RIF1: variants seen among roughly 807,000 people sequenced by gnomAD.
RIF1 encodes the protein replication timing regulatory factor 1.
RIF1 carries 45 observed loss-of-function variants against 247.1 expected under a neutral mutation model. That is an observed-to-expected ratio of 0.18 (90% CI 0.14 to 0.23). RIF1 has a LOEUF of 0.23. Ranked by LOEUF, RIF1 falls within the 10% of genes least tolerant of loss-of-function variation. RIF1 has a pLI of 1.00. For synonymous variants in RIF1, 1,087 were observed against 978.8 expected (o/e 1.11, Z -2.06); for missense variants, 2,967 against 2,862.5 (o/e 1.04, Z -0.83).
rs1274504084 is a variant in RIF1, at chr2:151,476,528, A to G, written c.*1457A>G. 6.6e-6 allele frequency: 1 copy of G among 152,172 alleles called. No homozygotes were observed. The highest frequency in any genetic ancestry group is 1.5e-5 in the Non-Finnish European group (1 of 67,996). The allele number at this position is 152,172 out of a possible 1,614,324, so 9.4% of individuals were successfully genotyped here. ...TCTACAGCAAGTCATAGAAAGTTTA[A>G]TCCTTGTGCCTCCTTAGCTCTCGTA... On this transcript the variant is annotated 3_prime_UTR_variant, in exon 36 of 36. Coordinates refer to ENST00000444746, the MANE Select transcript of RIF1 (RefSeq NM_018151.5).
intron 4 of RIF1, among the ~76,000 whole-genome samples, chr2:151,416,061 C>T (rs779472148): frequency 1.3e-5 from 2 of 152,156 alleles, no homozygotes; most frequent in African/African-American, 2.4e-5. Context: ...TTCAAGTAGT[C>T]TGCACTGTTG....
chr2:151,410,749 G>A (rs937018227), intron 2 of RIF1, among the ~76,000 whole-genome samples: 1 of 152,148 alleles, frequency 6.6e-6, no homozygotes, highest in South Asian at 2.1e-4. Context: ...GAACGAGGGA[G>A]CATGCACGTG....
At chr2:151,430,610 G>A (rs1050724177) in intron 9 of RIF1, among the ~76,000 whole-genome samples, 2 of 152,128 alleles carry the variant, frequency 1.3e-5, no homozygotes, top group African/African-American at 4.8e-5. Flanking sequence ...AAGAGCCACT[G>A]CTCCCAGCCC....
intron 30 of RIF1, 62 bp downstream of exon 30, chr2:151,466,182 C>G (rs776016712): frequency 1.2e-5 from 11 of 923,220 alleles, no homozygotes; most frequent in Middle Eastern, 3.1e-4. Context: ...TTTGGCCATA[C>G]AGTGACCTCT....
At chr2:151,434,096 A>G (rs1338962346) in intron 10 of RIF1, among the ~76,000 whole-genome samples, 2 of 150,776 alleles carry the variant, frequency 1.3e-5, no homozygotes, top group African/African-American at 4.9e-5. Flanking sequence ...TGAACCCAGG[A>G]GATGGAGGTT....
chr2:151,490,197 A>G, intron 9 of RIF1: 1 of 1,177,674 alleles, frequency 8.5e-7, no homozygotes, highest in Non-Finnish European at 1.2e-6. Flanking sequence ...AAAAAGAGAA[A>G]TCAAAGAAAA....
At chr2:151,501,496 A>C in intron 11 of RIF1, 1 of 1,433,558 alleles carries the variant, frequency 7.0e-7, no homozygotes, top group Non-Finnish European at 9.3e-7. Context: ...GTGTGCACAA[A>C]ACCAACAAAC....
Position 151,443,285 on chromosome 2 carries a change from A to G in RIF1, c.1761A>G (p.Gln587=), listed in dbSNP as rs1042786281. 3.7e-6 allele frequency: 6 copies of G among 1,600,272 alleles called. No individual in the cohort carries two copies. The highest frequency in any genetic ancestry group is 1.1e-5 in the South Asian group (1 of 90,042). The stretch of plus-strand genomic sequence containing the variant: ...GAACTCCAGCTTTGTTCTTAATTCA[A>G]TTAATTTTCAACAATTTCTTGGAAT... ...LNGTPALFLI[Q]LIFNNFLECG... Residue 587 remains glutamine (Q), a synonymous_variant, in exon 17 of 36, where the codon CAA becomes CAG. Transcript: ENST00000444746.
intron 8 of RIF1, among the ~76,000 whole-genome samples, chr2:151,427,018 A>T (rs994622832): frequency 1.5e-4 from 22 of 151,496 alleles, no homozygotes; most frequent in Non-Finnish European, 2.9e-4. Flanking sequence ...GGCTAGATCT[A>T]TTACGAAGTA....
chr2:151,463,676 G>C lies in RIF1; in HGVS notation c.4156G>C (p.Glu1386Gln), dbSNP rs752917266. Residue 1386 changes from glutamate (E) to glutamine (Q), a missense_variant, in exon 30 of 36, where the codon GAG becomes CAG. Transcript: ENST00000444746. ...TGTAGAAATTAATTTGGAATCCAAA[G>C]AGAATACACCCCCAGTAGTAATATC... ...KNVEINLESKENTPPVVISAD... is the reference protein window; with the variant it reads ...KNVEINLESKQNTPPVVISAD... The C allele has an allele frequency of 1.2e-6, 2 of 1,613,972 alleles. No individual in the cohort carries two copies. Among genetic ancestry groups the C allele is most frequent in the South Asian group, 2.2e-5 (2 of 91,078 alleles).
At chr2:151,512,193 G>A (rs1019145478), downstream of RIF1, among the ~76,000 whole-genome samples, 13 of 151,776 alleles carry the variant, frequency 8.6e-5, no homozygotes, top group African/African-American at 3.1e-4. Flanking sequence ...ACCACGCCCG[G>A]CTAATTTTTG....
At chr2:151,425,071 T>C (rs1688807399) in intron 8 of RIF1, among the ~76,000 whole-genome samples, 1 of 152,014 alleles carries the variant, frequency 6.6e-6, no homozygotes, top group Non-Finnish European at 1.5e-5. Context: ...CCAACACTTT[T>C]TATTTTCCTT....
chr2:151,464,270 G>A lies in RIF1; in HGVS notation c.4750G>A (p.Asp1584Asn). 6.2e-7 allele frequency: 1 copy of A among 1,613,902 alleles called. No individual in the cohort carries two copies. The highest frequency in any genetic ancestry group is 8.5e-7 in the Non-Finnish European group (1 of 1,179,954). The change falls in exon 30 of 36, where the codon GAT becomes AAT. Residue 1584 changes from aspartate to asparagine, a missense_variant. This residue lies in a region of RIF1 where 2,028 missense variants were observed against 1,825.6 expected (regional missense o/e 1.11). Coordinates refer to ENST00000444746, the MANE Select transcript of RIF1 (RefSeq NM_018151.5). ...AAGCAATGAAAGTGTTGACATTCAAGATCAAGAAGAGAAAGTGGTGAAACA... is the reference window on the plus strand; with the variant it reads ...AAGCAATGAAAGTGTTGACATTCAAAATCAAGAAGAGAAAGTGGTGAAACA... ...NKSNESVDIQ[D>N]QEEKVVKQEC...
At chr2:151,423,303 C>G in intron 8 of RIF1, 1 of 354,682 alleles carries the variant, frequency 2.8e-6, no homozygotes, top group Non-Finnish European at 5.0e-6. Flanking sequence ...CAAGGTTACG[C>G]TCTGCCTTTT....
At position 151,440,397 on chromosome 2, in the gene RIF1, G is replaced by A. The variant is rs569679946; in HGVS notation, c.1647+270G>A. On this transcript the variant is annotated intron_variant, in intron 15 of 35. Coordinates refer to ENST00000444746, the MANE Select transcript of RIF1 (RefSeq NM_018151.5). The stretch of plus-strand genomic sequence containing the variant: ...AGAGAAAAACTAGGGTAAAGGACAT[G>A]AAACTTGAACTGAAGAAACTCAGAT... Among the ~76,000 whole-genome samples the A allele has an allele frequency of 1.1e-4, 17 of 152,284 alleles. No individual in the cohort carries two copies. The East Asian group carries it at 2.9e-3, about 26-fold the overall frequency.
intron 11 of RIF1, among the ~76,000 whole-genome samples, chr2:151,501,066 C>T (rs977218595): frequency 2.0e-5 from 3 of 152,148 alleles, no homozygotes; most frequent in African/African-American, 7.2e-5. Context: ...AACCCAGAAA[C>T]ATCAGATAAA....
At position 151,498,426 on chromosome 2, in the gene RIF1, G is replaced by A. The variant is rs543570092; in HGVS notation, c.*514-919G>A. The A allele has an allele frequency of 5.8e-6, 6 of 1,028,200 alleles. No homozygotes were observed. The African/African-American group carries it at 9.7e-5, about 17-fold the overall frequency. 63.7% of individuals were successfully genotyped at this position (1,028,200 alleles called of 1,614,324 possible). A position where few individuals can be genotyped will look rare whatever the true frequency, so the allele number is the denominator to read the frequency against. ...TTTTCCCCCTGCTTTGGAGCAGTTG[G>A]GAGTGGGAAGGGAGGAAGAGAGTAA... On this transcript the variant is annotated intron_variant and NMD_transcript_variant, in intron 10 of 13. Transcript: ENST00000454583.
chr2:151,451,995 A>G (rs1037601504), intron 21 of RIF1, among the ~76,000 whole-genome samples: 3 of 152,190 alleles, frequency 2.0e-5, no homozygotes, highest in African/African-American at 7.2e-5. Context: ...TAATAGTACA[A>G]ATGGTTTTAC....
chr2:151,442,785 T>C (rs1253612308), intron 16 of RIF1, among the ~76,000 whole-genome samples: 1 of 148,260 alleles, frequency 6.7e-6, no homozygotes, highest in Non-Finnish European at 1.5e-5. Flanking sequence ...TTTTTTTTTT[T>C]TTTTTTGAGA....
Sources: gnomAD v4.1 joint callset for allele counts (sites outside exome capture counted in the v4.1 genomes callset) on GRCh38, gnomAD v4.1.1 for gene constraint, gnomAD v4.1.1 regional missense constraint, MANE v1.5 for transcripts, NCBI Gene and HGNC (gene_info 2026-07-23, HGNC 2026-07-21) for gene names.